Variants in GNA14 observed in about 807,000 individuals in gnomAD.
GNA14 encodes the protein G protein subunit alpha 14, also known as guanine nucleotide-binding protein subunit alpha-14.
A neutral mutation model predicts 42.0 loss-of-function variants in GNA14; 50 were observed. The observed-to-expected ratio is 1.19, with a 90% CI of 0.95 to 1.51. The LOEUF (loss-of-function observed/expected upper bound fraction) is 1.51, where lower values mean the gene tolerates loss of function less well. Among genes scored for constraint, GNA14 ranks in the 40% most tolerant of loss-of-function variants. The probability of loss-of-function intolerance (pLI) is 0.00; values close to 1 mark genes in which losing one functional copy is unlikely to be tolerated. For synonymous variants in GNA14, 173 were observed against 163.1 expected (o/e 1.06, Z -0.46); for missense variants, 473 against 446.2 (o/e 1.06, Z -0.54).
chr9:77,434,359 T>G lies in GNA14; in HGVS notation c.464+9A>C. 1 of 1,612,000 alleles carries G rather than the reference T, an allele frequency of 6.2e-7. No individual in the cohort carries two copies. Among genetic ancestry groups the G allele is most frequent in the Non-Finnish European group, 8.5e-7 (1 of 1,179,276 alleles). ...CACCGCGGGCGGCCAGGGTGGGCTCTGTACTCACTATTTGGCAGAGTCCGA... is the reference window on the plus strand; with the variant it reads ...CACCGCGGGCGGCCAGGGTGGGCTCGGTACTCACTATTTGGCAGAGTCCGA... On this transcript the variant is annotated intron_variant, in intron 3 of 6. Transcript: ENST00000341700.
intron 2 of GNA14, among the ~76,000 whole-genome samples, chr9:77,527,035 A>G (rs1200143758): frequency 1.3e-5 from 2 of 152,358 alleles, no homozygotes; most frequent in East Asian, 3.9e-4. Flanking sequence ...AGTGGCTTAC[A>G]CAGGAGCCTT....
chr9:77,617,342 G>A (rs1052749264), intron 1 of GNA14, among the ~76,000 whole-genome samples: 3 of 152,034 alleles, frequency 2.0e-5, no homozygotes, highest in South Asian at 2.1e-4. Context: ...ACACTACCAA[G>A]GACCCAGTTG....
At position 77,551,999 on chromosome 9, in the gene GNA14, G is replaced by T. The variant is rs573267329; in HGVS notation, c.125-22746C>A. 1.2e-3 allele frequency among the ~76,000 whole-genome samples: 177 copies of T among 151,906 alleles called. 1 individual carries two copies. The highest frequency in any genetic ancestry group is 3.9e-3 in the African/African-American group (163 of 41,460). ...TATTAAAAATACCAAAATTAGCCAG[G>T]TGTGGTGGTGGGCACTGGTAATCCC... On this transcript the variant is annotated intron_variant, in intron 1 of 6. Transcript: ENST00000341700.
intron 1 of GNA14, among the ~76,000 whole-genome samples, chr9:77,636,719 C>G (rs1447378816): frequency 2.6e-5 from 4 of 152,210 alleles, no homozygotes; most frequent in South Asian, 2.1e-4. Flanking sequence ...TGAGAACTCA[C>G]TCCCAAGGGA....
At chr9:77,470,280 C>A (rs988273719) in intron 2 of GNA14, among the ~76,000 whole-genome samples, 7 of 151,966 alleles carry the variant, frequency 4.6e-5, no homozygotes, top group Admixed American at 1.3e-4. Flanking sequence ...CCAGGTCATA[C>A]CAGGAAAAGC....
intron 2 of GNA14, among the ~76,000 whole-genome samples, chr9:77,507,801 C>T (rs1177471797): frequency 6.6e-6 from 1 of 152,094 alleles, no homozygotes; most frequent in Admixed American, 6.6e-5. Context: ...CAATCTCCAC[C>T]TCCTAAGCAA....
chr9:77,488,060 T>C (rs7026092), intron 2 of GNA14, among the ~76,000 whole-genome samples: 7,067 of 152,206 alleles, frequency 0.046, 448 homozygotes, highest in African/African-American at 0.14. Flanking sequence ...TAAAGCAATG[T>C]ACAGGCCAAA....
At chr9:77,613,015 C>T (rs1262364165) in intron 1 of GNA14, among the ~76,000 whole-genome samples, 1 of 152,140 alleles carries the variant, frequency 6.6e-6, no homozygotes, top group East Asian at 1.9e-4. Flanking sequence ...CATAAACACA[C>T]ATGGAATATT....
intron 1 of GNA14, among the ~76,000 whole-genome samples, chr9:77,608,732 G>GTTTTGT (rs1554703067): frequency 8.3e-6 from 1 of 121,166 alleles, no homozygotes; most frequent in Non-Finnish European, 1.7e-5. Context: ...CCAATATCCT[G>GTTTTGT]TTTTTTTTTT....
intron 1 of GNA14, among the ~76,000 whole-genome samples, chr9:77,560,597 T>C (rs1822866499): frequency 6.6e-6 from 1 of 152,190 alleles, no homozygotes; most frequent in Non-Finnish European, 1.5e-5. Flanking sequence ...ATTACAGGTG[T>C]GAGACACTGT....
chr9:77,646,444 C>G (rs980637940), intron 1 of GNA14, among the ~76,000 whole-genome samples: 12 of 152,140 alleles, frequency 7.9e-5, no homozygotes, highest in Admixed American at 2.0e-4. Flanking sequence ...ACACCCCCCC[C>G]CAACCCCCAG....
At chr9:77,637,366 A>G (rs1305105699) in intron 1 of GNA14, among the ~76,000 whole-genome samples, 2 of 152,112 alleles carry the variant, frequency 1.3e-5, no homozygotes, top group Non-Finnish European at 2.9e-5. Flanking sequence ...CTGAAAAGGG[A>G]AAAAAACAGA....
At chr9:77,578,587 A>T (rs12682869) in intron 1 of GNA14, among the ~76,000 whole-genome samples, 1 of 152,104 alleles carries the variant, frequency 6.6e-6, no homozygotes, top group East Asian at 1.9e-4. Context: ...TGAGCACCAT[A>T]TGTCTTAAAA....
chr9:77,472,360 T>C (rs1461692684), intron 2 of GNA14, among the ~76,000 whole-genome samples: 2 of 152,150 alleles, frequency 1.3e-5, no homozygotes, highest in Non-Finnish European at 2.9e-5. Context: ...CTCAATGATA[T>C]GATGGAAAAC....
At chr9:77,444,820 G>A (rs912397102) in intron 2 of GNA14, among the ~76,000 whole-genome samples, 5 of 152,158 alleles carry the variant, frequency 3.3e-5, no homozygotes, top group Non-Finnish European at 5.9e-5. Flanking sequence ...CCAGGGGGAG[G>A]TAGCTTAGGG....
chr9:77,446,040 C>A (rs1436641147), intron 2 of GNA14, among the ~76,000 whole-genome samples: 1 of 152,156 alleles, frequency 6.6e-6, no homozygotes, highest in Non-Finnish European at 1.5e-5. Flanking sequence ...TTCCAGTGAC[C>A]AGGGCCCTGC....
At chr9:77,470,142 C>G (rs557792607) in intron 2 of GNA14, among the ~76,000 whole-genome samples, 1 of 152,086 alleles carries the variant, frequency 6.6e-6, no homozygotes, top group Non-Finnish European at 1.5e-5. Context: ...AGAATGCTCA[C>G]GGGTACAGAA....
chr9:77,432,565 C>A (rs1835574999), intron 3 of GNA14, among the ~76,000 whole-genome samples: 1 of 152,176 alleles, frequency 6.6e-6, no homozygotes, highest in Non-Finnish European at 1.5e-5. Context: ...CAGCAGACAT[C>A]TCTAGCTGAG....
intron 1 of GNA14, among the ~76,000 whole-genome samples, chr9:77,579,814 G>A (rs1211953035): frequency 1.3e-5 from 2 of 152,208 alleles, no homozygotes; most frequent in East Asian, 3.8e-4. Flanking sequence ...TATTGTAAGA[G>A]TGAGTTTTTA....
Sources: gnomAD v4.1 joint callset for allele counts (sites outside exome capture counted in the v4.1 genomes callset) on GRCh38, gnomAD v4.1.1 for gene constraint, MANE v1.5 for transcripts, NCBI Gene and HGNC (gene_info 2026-07-23, HGNC 2026-07-21) for gene names.